SSH2: variants seen among roughly 807,000 people sequenced by gnomAD.
SSH2 encodes the protein slingshot protein phosphatase 2, also known as protein phosphatase Slingshot homolog 2.
Under a neutral mutation model 135.2 loss-of-function variants are expected in SSH2, and 37 were observed. The observed-to-expected ratio is 0.27, with a 90% CI of 0.21 to 0.36. The LOEUF (loss-of-function observed/expected upper bound fraction) is 0.36. Among genes scored for constraint, SSH2 ranks in the 10% least tolerant of loss-of-function variants. The pLI, the probability that SSH2 is intolerant of heterozygous loss-of-function variation, is 1.00. For missense variants in SSH2, 1,408 were observed against 1,765.3 expected (o/e 0.80, Z 3.63); for synonymous variants, 628 against 646.2 (o/e 0.97, Z 0.43).
In SSH2 at chr17:29,844,658, T is replaced by C. The variant is rs116217975; in HGVS notation, c.144+4191A>G. On this transcript the variant is annotated intron_variant, in intron 2 of 15. Transcript: ENST00000540801. ...CTGTGACTTCTTCCAGTCACACTGTTACCTTTCTCTGGGGGCAGACAGATC... is the reference window on the plus strand; with the variant it reads ...CTGTGACTTCTTCCAGTCACACTGTCACCTTTCTCTGGGGGCAGACAGATC... Among the ~76,000 whole-genome samples the C allele has an allele frequency of 2.9e-3, 441 of 152,318 alleles. 1 individual carries two copies. The highest frequency in any genetic ancestry group is 0.01 in the African/African-American group (420 of 41,588).
chr17:29,669,229 G>A lies in SSH2; in HGVS notation c.810-2006C>T, dbSNP rs141418654. On this transcript the variant is annotated intron_variant, in intron 9 of 15. Transcript: ENST00000540801. The stretch of plus-strand genomic sequence containing the variant: ...GTGCCATTGCACTCCAGCCTGGGCC[G>A]ACAACAGTGAGACTCCGTCTCAAAA... Among the ~76,000 whole-genome samples, 887 of 151,660 alleles carry A rather than the reference G, an allele frequency of 5.8e-3. 26 individuals carry two copies. The highest frequency in any genetic ancestry group is 0.048 in the Admixed American group (730 of 15,224).
intron 2 of SSH2, among the ~76,000 whole-genome samples, chr17:29,800,967 G>A (rs1297190116): frequency 6.6e-6 from 1 of 151,578 alleles, no homozygotes; most frequent in Non-Finnish European, 1.5e-5. Flanking sequence ...CTGGGTTCAA[G>A]CGATTCTCAT....
chr17:29,760,816 CAA>C (rs1286435412), intron 3 of SSH2, among the ~76,000 whole-genome samples: 1 of 152,148 alleles, frequency 6.6e-6, no homozygotes, highest in Non-Finnish European at 1.5e-5. Flanking sequence ...ACCCTTCACC[CAA>C]GTCTTCCAAG....
chr17:29,847,764 C>G (rs1378569093), intron 2 of SSH2, among the ~76,000 whole-genome samples: 1 of 152,184 alleles, frequency 6.6e-6, no homozygotes, highest in African/African-American at 2.4e-5. Context: ...CCTGGCTGCC[C>G]TCATTGCTCA....
At chr17:29,696,208 C>CACACAT (rs373379041) in intron 4 of SSH2, among the ~76,000 whole-genome samples, 22,458 of 140,098 alleles carry the variant, frequency 0.16, 2,282 homozygotes, top group East Asian at 0.4. Flanking sequence ...CACACACACA[C>CACACAT]ATATGTATAT....
At position 29,913,347 on chromosome 17, in the gene SSH2, A is replaced by AAAAAAATTATATAT; in HGVS notation, c.63+16590_63+16591insATATATAATTTTTT. On this transcript the variant is annotated intron_variant, in intron 1 of 15. Coordinates refer to ENST00000540801, the MANE Select transcript of SSH2 (RefSeq NM_001282129.2). The stretch of plus-strand genomic sequence containing the variant: ...AAAAAAAAAAAAAAAAAAAAAAAAA[A>AAAAAAATTATATAT]ATATATATATATATATATATATATA... 1.7e-4 allele frequency among the ~76,000 whole-genome samples: 5 copies of AAAAAAATTATATAT among 28,786 alleles called. 1 individual carries two copies. The highest frequency in any genetic ancestry group is 1.5e-3 in the Admixed American group (2 of 1,362). 18.9% of individuals were successfully genotyped at this position (28,786 alleles called of 152,430 possible).
At chr17:29,923,799 G>C (rs971086957) in intron 1 of SSH2, among the ~76,000 whole-genome samples, 1 of 152,028 alleles carries the variant, frequency 6.6e-6, no homozygotes, top group Admixed American at 6.6e-5. Flanking sequence ...CCAGCTACTT[G>C]GGAGGCTGAG....
At position 29,648,516 on chromosome 17, in the gene SSH2, G is replaced by A. The variant is rs2036467536; in HGVS notation, c.1227-172C>T. On this transcript the variant is annotated intron_variant, in intron 13 of 15. Coordinates refer to ENST00000540801, the MANE Select transcript of SSH2 (RefSeq NM_001282129.2). The stretch of plus-strand genomic sequence containing the variant: ...ATTTATAATCAAATGTGTGGGTAGG[G>A]TAGAGTGAGGCAGCTCACTACTAAT... Among the ~76,000 whole-genome samples, 3 of 152,226 alleles carry A rather than the reference G, an allele frequency of 2.0e-5. No homozygotes were observed. The South Asian group carries it at 6.2e-4, about 32-fold the overall frequency.
chr17:29,870,374 C>T (rs1599119931), intron 1 of SSH2, among the ~76,000 whole-genome samples: 1 of 151,520 alleles, frequency 6.6e-6, no homozygotes, highest in African/African-American at 2.4e-5. Context: ...CATGTCTATG[C>T]ATGCAAAGAG....
chr17:29,815,257 G>A (rs2042536755), intron 2 of SSH2, among the ~76,000 whole-genome samples: 1 of 151,864 alleles, frequency 6.6e-6, no homozygotes, highest in Non-Finnish European at 1.5e-5. Flanking sequence ...CCGAGTAGCT[G>A]GGATTACAGG....
At position 29,631,594 on chromosome 17, in the gene SSH2, C is replaced by T. The variant is rs561881760; in HGVS notation, c.3600G>A (p.Glu1200=). The change falls in exon 16 of 16, where the codon GAG becomes GAA. Residue 1200 remains glutamate, a synonymous_variant. Coordinates refer to ENST00000540801, the MANE Select transcript of SSH2 (RefSeq NM_001282129.2). ...TTAGCTGGGAGTCCTTATATGGCAC[C>T]TCACTGCCACTGGAGAGAGGGCTCT... ...SQESPLSSGS[E]VPYKDSQLSS... 8.1e-6 allele frequency: 13 copies of T among 1,614,160 alleles called. No homozygotes were observed. In the East Asian group the frequency reaches 2.7e-4, roughly 33 times the overall value.
At chr17:29,717,521 GC>G (rs1223181814) in intron 3 of SSH2, among the ~76,000 whole-genome samples, 1 of 152,198 alleles carries the variant, frequency 6.6e-6, no homozygotes, top group Admixed American at 6.5e-5. Context: ...GCAACAACTG[GC>G]CAGAGATGAG....
At chr17:29,635,550 GCCGC>G (rs1045198116) in intron 15 of SSH2, among the ~76,000 whole-genome samples, 15 of 35,278 alleles carry the variant, frequency 4.3e-4, no homozygotes, top group Non-Finnish European at 6.0e-4. Flanking sequence ...GACTACAGGC[GCCGC>G]CCGCCACCAC....
chr17:29,893,296 AG>A (rs1491198701), intron 1 of SSH2, among the ~76,000 whole-genome samples: 2 of 150,996 alleles, frequency 1.3e-5, no homozygotes, highest in Non-Finnish European at 3.0e-5. Flanking sequence ...GCAAAAAAAA[AG>A]GGGGGGTGGG....
chr17:29,904,753 C>T (rs1339562279), intron 1 of SSH2, among the ~76,000 whole-genome samples: 1 of 152,144 alleles, frequency 6.6e-6, no homozygotes, highest in African/African-American at 2.4e-5. Context: ...TAGAAAACCC[C>T]ATTGTCTCAG....
In SSH2 at chr17:29,696,622, T is replaced by TAC. The variant is rs36052713; in HGVS notation, c.293-1101_293-1100dup. 7.7e-3 allele frequency among the ~76,000 whole-genome samples: 395 copies of TAC among 51,412 alleles called. 3 individuals carry two copies. The East Asian group carries it at 0.11, about 14-fold the overall frequency. 33.7% of individuals were successfully genotyped at this position (51,412 alleles called of 152,430 possible). On this transcript the variant is annotated intron_variant, in intron 4 of 15. Transcript: ENST00000540801. Reference sequence around the variant, plus strand: ...TCAAAAACATATATACATATATATATACACACACACACACACACACACACA... The same window carrying TAC: ...TCAAAAACATATATACATATATATATACACACACACACACACACACACACACA...
At chr17:29,818,758 G>C (rs555498941) in intron 2 of SSH2, among the ~76,000 whole-genome samples, 11 of 151,916 alleles carry the variant, frequency 7.2e-5, no homozygotes, top group African/African-American at 2.7e-4. Context: ...TTTTTCATGA[G>C]AAACTTGTAC....
chr17:29,806,622 G>A (rs2042350675), intron 2 of SSH2, among the ~76,000 whole-genome samples: 1 of 152,204 alleles, frequency 6.6e-6, no homozygotes, highest in Non-Finnish European at 1.5e-5. Flanking sequence ...GCCCCTCTGA[G>A]TGTGTCATGA....
intron 1 of SSH2, among the ~76,000 whole-genome samples, chr17:29,861,358 G>A (rs2065760906): frequency 6.6e-6 from 1 of 152,014 alleles, no homozygotes; most frequent in Non-Finnish European, 1.5e-5. Flanking sequence ...ATAGTTTTGG[G>A]TGTCCCTCTT....
Sources: gnomAD v4.1 joint callset for allele counts (sites outside exome capture counted in the v4.1 genomes callset) on GRCh38, gnomAD v4.1.1 for gene constraint, MANE v1.5 for transcripts, NCBI Gene and HGNC (gene_info 2026-07-23, HGNC 2026-07-21) for gene names.